The following ANKRD44 variants were observed in gnomAD, a reference collection of about 807,000 sequenced individuals.
The protein encoded by ANKRD44 is ankyrin repeat domain 44.
In ANKRD44, 35 loss-of-function variants were observed where a neutral mutation model predicts 116.0. The ratio of observed to expected loss-of-function variants is 0.30; its 90% confidence interval spans 0.23 to 0.40. The LOEUF (loss-of-function observed/expected upper bound fraction) is 0.40. ANKRD44 is among the 10% of genes least tolerant of loss of function. ANKRD44 has a pLI of 1.00. For missense variants in ANKRD44, 1,014 were observed against 1,242.6 expected, an observed-to-expected ratio of 0.82 and a Z score of 2.77; for synonymous variants, 435 against 461.8, an observed-to-expected ratio of 0.94 and a Z score of 0.74.
chr2:197,004,749 A>G (rs2076173205), intron 21 of ANKRD44, among the ~76,000 whole-genome samples: 2 of 152,160 alleles, frequency 1.3e-5, no homozygotes, highest in South Asian at 2.1e-4. Context: ...CCCTTACTCA[A>G]TAATTTTATT....
chr2:197,054,093 T>C lies in ANKRD44; in HGVS notation c.1650+24610A>G, dbSNP rs138316077. 1.3e-3 allele frequency among the ~76,000 whole-genome samples: 192 copies of C among 152,318 alleles called. 1 individual carries two copies. The highest frequency in any genetic ancestry group is 6.8e-3 in the Middle Eastern group (2 of 294). On this transcript the variant is annotated intron_variant, in intron 16 of 27. Transcript: ENST00000282272. ...GGCCGGTTATAGGACATATTGAAGA[T>C]ACAAGGCTCAAACCTTGAAAAATAT...
intron 1 of ANKRD44, among the ~76,000 whole-genome samples, chr2:197,293,553 C>T (rs1446152533): frequency 6.6e-6 from 1 of 152,136 alleles, no homozygotes; most frequent in Non-Finnish European, 1.5e-5. Flanking sequence ...CTTCAGATGG[C>T]CAATCTTAAA....
At chr2:197,265,488 C>G (rs2105751800) in intron 1 of ANKRD44, among the ~76,000 whole-genome samples, 1 of 152,264 alleles carries the variant, frequency 6.6e-6, no homozygotes, top group African/African-American at 2.4e-5. Flanking sequence ...CTCAAGTGAT[C>G]TGCCTGTCTC....
chr2:197,136,516 G>T (rs2079219673), intron 4 of ANKRD44, 76 bp downstream of exon 4: 2 of 1,374,130 alleles, frequency 1.5e-6, no homozygotes, highest in African/African-American at 2.9e-5. Flanking sequence ...TACCAGTAAG[G>T]ATTCTTAATT....
intron 1 of ANKRD44, among the ~76,000 whole-genome samples, chr2:197,210,913 G>T (rs1257857568): frequency 1.3e-5 from 2 of 152,296 alleles, no homozygotes; most frequent in African/African-American, 4.8e-5. Flanking sequence ...GTATTGGAGA[G>T]GGGGTGTCTA....
chr2:197,051,675 T>C (rs911008116), intron 16 of ANKRD44, among the ~76,000 whole-genome samples: 1 of 152,228 alleles, frequency 6.6e-6, no homozygotes, highest in Non-Finnish European at 1.5e-5. Flanking sequence ...CCCAGCTGTA[T>C]CTCACTTATA....
At chr2:196,975,837 GAAAGAAGGA>G (rs1357797262) in intron 21 of ANKRD44, among the ~76,000 whole-genome samples, 1 of 144,736 alleles carries the variant, frequency 6.9e-6, no homozygotes, top group Non-Finnish European at 1.5e-5. Context: ...AAGAAAGAAA[GAAAGAAGGA>G]AAGAAGGAAA....
At chr2:197,252,513 T>C (rs1221570141) in intron 1 of ANKRD44, among the ~76,000 whole-genome samples, 5 of 151,920 alleles carry the variant, frequency 3.3e-5, no homozygotes, top group Non-Finnish European at 5.9e-5. Context: ...TTCACGCCAC[T>C]CTCCTGCCTC....
At chr2:197,003,542 G>A (rs537454263) in intron 21 of ANKRD44, among the ~76,000 whole-genome samples, 35 of 152,236 alleles carry the variant, frequency 2.3e-4, no homozygotes, top group African/African-American at 7.9e-4. Context: ...AAAGTGCCTA[G>A]TAAAAAGGAG....
At chr2:197,035,749 G>A in intron 16 of ANKRD44, among the ~76,000 whole-genome samples, 1 of 151,676 alleles carries the variant, frequency 6.6e-6, no homozygotes, top group South Asian at 2.1e-4. Flanking sequence ...TGTCAACTGT[G>A]CAGCCAGTAC....
chr2:197,310,311 G>A (rs2084211575), intron 1 of ANKRD44, among the ~76,000 whole-genome samples: 1 of 135,986 alleles, frequency 7.4e-6, no homozygotes. Context: ...GCCCGCGGCC[G>A]CCGCACTCCC....
At chr2:197,037,811 T>C (rs2076835360) in intron 16 of ANKRD44, among the ~76,000 whole-genome samples, 1 of 152,066 alleles carries the variant, frequency 6.6e-6, no homozygotes, top group Non-Finnish European at 1.5e-5. Context: ...AATATAGTGG[T>C]CGTGCCTATA....
At chr2:197,223,118 C>A (rs1476453992) in intron 1 of ANKRD44, among the ~76,000 whole-genome samples, 1 of 152,090 alleles carries the variant, frequency 6.6e-6, no homozygotes, top group African/African-American at 2.4e-5. Flanking sequence ...CAGCTGATTT[C>A]TTTTTTATTA....
chr2:197,168,272 T>C (rs975960411), intron 2 of ANKRD44, among the ~76,000 whole-genome samples: 3 of 152,248 alleles, frequency 2.0e-5, no homozygotes, highest in African/African-American at 7.2e-5. Flanking sequence ...GCATCATCAA[T>C]TGGCTGTTTT....
intron 11 of ANKRD44, among the ~76,000 whole-genome samples, chr2:197,089,319 T>C (rs974308668): frequency 2.6e-5 from 4 of 152,224 alleles, no homozygotes; most frequent in Non-Finnish European, 5.9e-5. Context: ...AATTAATTCA[T>C]AAACAATCTT....
chr2:197,279,211 C>T (rs2083193051), intron 1 of ANKRD44, among the ~76,000 whole-genome samples: 1 of 152,102 alleles, frequency 6.6e-6, no homozygotes, highest in Non-Finnish European at 1.5e-5. Context: ...GAACATTTCC[C>T]TCTCCTAACT....
intron 2 of ANKRD44, among the ~76,000 whole-genome samples, chr2:197,158,360 A>G (rs1219027558): frequency 6.6e-6 from 1 of 152,246 alleles, no homozygotes; most frequent in African/African-American, 2.4e-5. Flanking sequence ...GTATTTAAGG[A>G]AACCCACAGA....
rs2081088585 is a variant in ANKRD44, at chr2:197,201,396, C to T, written c.28-14290G>A. On this transcript the variant is annotated intron_variant, in intron 1 of 27. Transcript: ENST00000282272. This position sits in a 1 kb window ranked among gnomAD's most constrained non-coding sequence, Gnocchi z 4.0. ...TAGCAGAATTTTGAATGCCCGTTGCCTCCGTGGCACTAGGCAACCACAAAG... is the reference window on the plus strand; with the variant it reads ...TAGCAGAATTTTGAATGCCCGTTGCTTCCGTGGCACTAGGCAACCACAAAG... Among the ~76,000 whole-genome samples the T allele has an allele frequency of 6.8e-6, 1 of 147,600 alleles. No individual in the cohort carries two copies. The highest frequency in any genetic ancestry group is 2.7e-5 in the African/African-American group (1 of 36,992).
At chr2:197,297,186 A>C (rs2083748576) in intron 1 of ANKRD44, among the ~76,000 whole-genome samples, 1 of 152,362 alleles carries the variant, frequency 6.6e-6, no homozygotes, top group South Asian at 2.1e-4. Context: ...AACTAAGTCA[A>C]TTGATTTGAT....
Sources: gnomAD v4.1 joint callset for allele counts (sites outside exome capture counted in the v4.1 genomes callset) on GRCh38, gnomAD v4.1.1 for gene constraint, Gnocchi (gnomAD v3.1) non-coding constraint, MANE v1.5 for transcripts, NCBI Gene and HGNC (gene_info 2026-07-23, HGNC 2026-07-21) for gene names.